The following TMC5 variants were observed in gnomAD, a reference collection of about 807,000 sequenced individuals.
The protein encoded by TMC5 is transmembrane channel-like protein 5.
Under a neutral mutation model 110.5 loss-of-function variants are expected in TMC5, and 86 were observed. The observed-to-expected ratio is 0.78, with a 90% CI of 0.65 to 0.93. The LOEUF is 0.93. Among genes scored for constraint, TMC5 ranks in the 40% least tolerant of loss-of-function variants. The pLI is 0.00. For missense variants in TMC5, 1,144 were observed against 1,222.8 expected, an observed-to-expected ratio of 0.94 and a Z score of 0.96; for synonymous variants, 455 against 439.5, an observed-to-expected ratio of 1.04 and a Z score of -0.44.
chr16:19,471,085 A>AT (rs57901281), intron 10 of TMC5, among the ~76,000 whole-genome samples: 17,956 of 147,936 alleles, frequency 0.12, 1,420 homozygotes, highest in East Asian at 0.37. Flanking sequence ...GGGGCTTTAA[A>AT]TTTTTTTTTT....
chr16:19,497,449 A>G (rs952629982), intron 21 of TMC5, among the ~76,000 whole-genome samples: 1 of 152,212 alleles, frequency 6.6e-6, no homozygotes. Context: ...TCAACTTCTT[A>G]TATCTTCTCA....
chr16:19,441,960 C>T (rs992927970), intron 3 of TMC5, among the ~76,000 whole-genome samples: 12 of 151,902 alleles, frequency 7.9e-5, no homozygotes, highest in Admixed American at 2.0e-4. Context: ...TGCGCCACCA[C>T]GCCCAGCTAA....
intron 5 of TMC5, among the ~76,000 whole-genome samples, chr16:19,453,531 G>A (rs1039353004): frequency 3.3e-5 from 5 of 151,780 alleles, no homozygotes; most frequent in African/African-American, 1.2e-4. Flanking sequence ...GGAGGTTGCC[G>A]TGAGCTGAGA....
chr16:19,471,964 T>C, intron 10 of TMC5, 124 bp from the exon 11 acceptor site: 1 of 931,198 alleles, frequency 1.1e-6, no homozygotes, highest in Non-Finnish European at 1.6e-6. Context: ...TTTCACCATG[T>C]TGTCCAGGCT....
At chr16:19,428,853 T>G (rs770999701) in intron 1 of TMC5, among the ~76,000 whole-genome samples, 6 of 152,112 alleles carry the variant, frequency 3.9e-5, no homozygotes, top group Non-Finnish European at 7.4e-5. Context: ...TGAGACAGAG[T>G]CTCTCTCTGT....
In TMC5 at chr16:19,440,303, A is replaced by C. The variant is rs1332755304; in HGVS notation, c.265A>C (p.Asn89His). ...SNPDYSGTRSNAYSAASRTSP... is the reference protein window; with the variant it reads ...SNPDYSGTRSHAYSAASRTSP... The stretch of plus-strand genomic sequence containing the variant: ...TCCAGACTATTCTGGCACCAGAAGC[A>C]ATGCATACTCTGCAGCCTCTAGAAC... The change falls in exon 3 of 22, where the codon AAT becomes CAT. Residue 89 changes from asparagine (N) to histidine (H), a missense_variant. By Grantham distance (68) the Asn-to-His change is moderately conservative. Transcript: ENST00000542583. 6.2e-7 allele frequency: 1 copy of C among 1,614,070 alleles called. No homozygotes were observed. The highest frequency in any genetic ancestry group is 1.3e-5 in the African/African-American group (1 of 74,910).
chr16:19,443,190 C>A (rs538802726), intron 3 of TMC5, among the ~76,000 whole-genome samples: 5 of 152,302 alleles, frequency 3.3e-5, no homozygotes, highest in African/African-American at 1.2e-4. Context: ...AATACAGATG[C>A]CTCAGTCAAA....
chr16:19,435,527 T>C (rs1217825697), intron 2 of TMC5, among the ~76,000 whole-genome samples: 2 of 151,696 alleles, frequency 1.3e-5, no homozygotes, highest in Non-Finnish European at 2.9e-5. Context: ...AATTTAGAAA[T>C]ATGTATTTAC....
At chr16:19,436,369 C>G (rs543806230) in intron 2 of TMC5, among the ~76,000 whole-genome samples, 102 of 151,162 alleles carry the variant, frequency 6.7e-4, no homozygotes, top group African/African-American at 2.4e-3. Flanking sequence ...TGGGCCAATA[C>G]AGCTGTATCT....
chr16:19,494,402 A>G, intron 20 of TMC5, 36 bp downstream of exon 20: 1 of 1,516,708 alleles, frequency 6.6e-7, no homozygotes, highest in Non-Finnish European at 9.1e-7. Flanking sequence ...CCCCTGGGAC[A>G]CGAGCTTGCC....
chr16:19,464,024 G>A lies in TMC5; in HGVS notation c.1485G>A (p.Val495=). The part of the protein sequence containing the change: ...QFTGLEFFTG[V]GYFRDTVMYY... Reference sequence around the variant, plus strand: ...CTGGGCTGGAGTTTTTCACTGGGGTGGTAAGTCCTCCACTTCCCCTACCCC... The same window carrying A: ...CTGGGCTGGAGTTTTTCACTGGGGTAGTAAGTCCTCCACTTCCCCTACCCC... Residue 495 remains valine, a splice_region_variant and synonymous_variant, in exon 8 of 22, where the codon GTG becomes GTA. Transcript: ENST00000542583. 2 of 1,613,544 alleles carry A rather than the reference G, an allele frequency of 1.2e-6. No homozygotes were observed. The highest frequency in any genetic ancestry group is 1.7e-6 in the Non-Finnish European group (2 of 1,179,720).
chr16:19,462,056 A>G (rs1968037094), intron 6 of TMC5, among the ~76,000 whole-genome samples: 1 of 152,202 alleles, frequency 6.6e-6, no homozygotes, highest in Non-Finnish European at 1.5e-5. Context: ...CTAGGAAAGA[A>G]CCAGAACAAA....
chr16:19,430,280 CAAGTTTTT>C (rs1163149988), intron 1 of TMC5, 125 bp from the exon 2 acceptor site: 2 of 152,168 alleles, frequency 1.3e-5, no homozygotes, highest in African/African-American at 2.4e-5. Context: ...TCTAATGTTT[CAAGTTTTT>C]AAGAGAAGAG....
At chr16:19,450,625 G>T (rs531071651) in intron 5 of TMC5, among the ~76,000 whole-genome samples, 1 of 152,260 alleles carries the variant, frequency 6.6e-6, no homozygotes, top group East Asian at 1.9e-4. Context: ...TGAGCCCTCT[G>T]CTTAGCCACC....
chr16:19,462,524 G>A (rs568301079), intron 6 of TMC5: 16 of 702,072 alleles, frequency 2.3e-5, no homozygotes, highest in African/African-American at 1.9e-4. Flanking sequence ...TCACAATCAC[G>A]ACAGAGGACG....
At chr16:19,436,806 T>C (rs570628276) in intron 2 of TMC5, among the ~76,000 whole-genome samples, 1 of 152,322 alleles carries the variant, frequency 6.6e-6, no homozygotes, top group African/African-American at 2.4e-5. Flanking sequence ...TGTTTATCTC[T>C]TGGTTCTGTT....
chr16:19,474,223 G>A lies in TMC5; in HGVS notation c.2037G>A (p.Arg679=). The A allele has an allele frequency of 6.2e-7, 1 of 1,614,116 alleles. No homozygotes were observed. Among genetic ancestry groups the A allele is most frequent in the South Asian group, 1.1e-5 (1 of 91,076 alleles). The part of the protein sequence containing the change: ...LAVPCIYSMF[R]LVERYEMPRH... The stretch of plus-strand genomic sequence containing the variant: ...TGCCATGCATCTACTCCATGTTCAG[G>A]CTTGTGGAGAGGTACGAGATGCCAC... The change falls in exon 12 of 22, where the codon AGG becomes AGA. Residue 679 remains arginine (R), a synonymous_variant. Transcript: ENST00000542583.
rs1969122114 is a variant in TMC5, at chr16:19,498,899, AAAAAT to A, written c.*938_*942del. 1 of 152,078 alleles carries A rather than the reference AAAAAT, an allele frequency of 6.6e-6. No individual in the cohort carries two copies. The highest frequency in any genetic ancestry group is 1.5e-5 in the Non-Finnish European group (1 of 68,042). The allele number at this position is 152,078 out of a possible 1,614,324, so 9.4% of individuals were successfully genotyped here. A position where few individuals can be genotyped will look rare whatever the true frequency, so the allele number is the denominator to read the frequency against. ...AACATGGTGAAACCCCGTCTCTACT[AAAAAT>A]AAAAAAACTAGCTGGGCGTGGTGGT... On this transcript the variant is annotated 3_prime_UTR_variant, in exon 22 of 22. Coordinates refer to ENST00000542583, the MANE Select transcript of TMC5 (RefSeq NM_001261841.2).
chr16:19,468,474 C>T (rs568130428), intron 9 of TMC5, among the ~76,000 whole-genome samples: 13 of 150,492 alleles, frequency 8.6e-5, no homozygotes, highest in East Asian at 1.9e-4. Flanking sequence ...TAATCTCCCC[C>T]GACCCCCCCC....
Sources: allele counts gnomAD v4.1 joint callset (sites outside exome capture counted in the v4.1 genomes callset), GRCh38; gene constraint gnomAD v4.1.1; transcripts MANE v1.5; gene names NCBI Gene and HGNC (gene_info 2026-07-23, HGNC 2026-07-21).